FSTL5: variants seen among roughly 807,000 people sequenced by gnomAD.
The protein encoded by FSTL5 is follistatin-related protein 5.
A neutral mutation model predicts 89.1 loss-of-function variants in FSTL5; 62 were observed. That is an observed-to-expected ratio of 0.70 (90% CI 0.57 to 0.86). The LOEUF is 0.86. FSTL5 is among the 40% of genes least tolerant of loss of function. The pLI is 0.00. For synonymous variants in FSTL5, 383 were observed against 346.2 expected, an observed-to-expected ratio of 1.11 and a Z score of -1.18; for missense variants, 1,057 against 1,001.6, an observed-to-expected ratio of 1.06 and a Z score of -0.75.
intron 6 of FSTL5, among the ~76,000 whole-genome samples, chr4:161,733,961 A>G (rs1221781396): frequency 6.6e-6 from 1 of 152,032 alleles, no homozygotes; most frequent in East Asian, 1.9e-4. Context: ...CAAAATTAAA[A>G]AGTAGATATA....
intron 4 of FSTL5, among the ~76,000 whole-genome samples, chr4:161,815,746 C>T (rs577945891): frequency 7.2e-4 from 109 of 151,946 alleles, no homozygotes; most frequent in African/African-American, 2.3e-3. Context: ...GTATATTCAG[C>T]GAATAATTTA....
intron 11 of FSTL5, among the ~76,000 whole-genome samples, chr4:161,501,053 A>C (rs1730276646): frequency 6.6e-6 from 1 of 152,156 alleles, no homozygotes; most frequent in African/African-American, 2.4e-5. Context: ...TTACACAGTC[A>C]AATTTATTCA....
intron 1 of FSTL5, among the ~76,000 whole-genome samples, chr4:162,138,976 A>C (rs1732622763): frequency 6.6e-6 from 1 of 152,274 alleles, no homozygotes; most frequent in Admixed American, 6.5e-5. Context: ...ATTTGGAAAT[A>C]ACTCTCTATA....
chr4:161,613,703 C>T (rs551084030), intron 7 of FSTL5, among the ~76,000 whole-genome samples: 12 of 152,282 alleles, frequency 7.9e-5, no homozygotes, highest in Admixed American at 7.8e-4. Flanking sequence ...CTGATCTTTT[C>T]TTTAAGGATC....
chr4:161,710,713 G>A (rs1738749229), intron 6 of FSTL5, among the ~76,000 whole-genome samples: 1 of 152,130 alleles, frequency 6.6e-6, no homozygotes, highest in Non-Finnish European at 1.5e-5. Context: ...ATTGAGTCAT[G>A]TTCCCATCAT....
Position 161,386,080 on chromosome 4 carries a change from C to A in FSTL5, c.2211G>T (p.Leu737=). 6.8e-6 allele frequency: 11 copies of A among 1,613,966 alleles called. No homozygotes were observed. Among genetic ancestry groups the A allele is most frequent in the Non-Finnish European group, 8.5e-6 (10 of 1,179,966 alleles). The change falls in exon 16 of 16, where the codon CTG becomes CTT. Residue 737 remains leucine (L), a synonymous_variant. Transcript: ENST00000306100. ...GTTGAAATGCCAGATCAGATATGTG[C>A]AGATTTGTGTAAATATCAAAAGCCT... ...IQEAFDIYTN[L]HISDLAFQPS... is the part of the protein sequence containing the mutation.
intron 15 of FSTL5, among the ~76,000 whole-genome samples, chr4:161,416,175 T>C (rs1053634543): frequency 2.0e-5 from 3 of 152,160 alleles, no homozygotes; most frequent in Admixed American, 6.5e-5. Context: ...AAAAGCTCCA[T>C]GTGATAGAAG....
intron 4 of FSTL5, among the ~76,000 whole-genome samples, chr4:161,848,036 C>CAAAAAAAAAAAAAAAAAA (rs139315536): frequency 2.1e-5 from 1 of 48,222 alleles, no homozygotes; most frequent in Non-Finnish European, 3.4e-5. Flanking sequence ...GACTCCGTCT[C>CAAAAAAAAAAAAAAAAAA]AAAAAAAAAA....
chr4:161,452,470 T>G (rs1317957), intron 15 of FSTL5, among the ~76,000 whole-genome samples: 1 of 144,266 alleles, frequency 6.9e-6, no homozygotes, highest in Non-Finnish European at 1.6e-5. Context: ...AGGGAGACTC[T>G]GTCTCAAAAA....
At chr4:161,618,440 G>C (rs1331294289) in intron 7 of FSTL5, among the ~76,000 whole-genome samples, 2 of 134,494 alleles carry the variant, frequency 1.5e-5, no homozygotes, top group African/African-American at 5.7e-5. Flanking sequence ...TGCCCATTCA[G>C]TATGATATTG....
intron 6 of FSTL5, among the ~76,000 whole-genome samples, chr4:161,665,458 C>T (rs1736859935): frequency 6.6e-6 from 1 of 152,142 alleles, no homozygotes; most frequent in Admixed American, 6.5e-5. Context: ...TGGTCTCGAT[C>T]TCCTGACCTC....
chr4:161,745,611 G>T (rs1391440550), intron 6 of FSTL5, among the ~76,000 whole-genome samples: 1 of 151,796 alleles, frequency 6.6e-6, no homozygotes, highest in Non-Finnish European at 1.5e-5. Context: ...CTACACTTTT[G>T]ATGGGGCTCC....
intron 15 of FSTL5, among the ~76,000 whole-genome samples, chr4:161,446,465 T>G (rs2314099): frequency 0.84 from 127,429 of 151,900 alleles, 55,296 homozygotes; most frequent in East Asian, 0.99. Context: ...TAATAACAGT[T>G]GCATCAAGAA....
chr4:161,953,767 T>A (rs536556911), intron 3 of FSTL5, among the ~76,000 whole-genome samples: 3 of 151,756 alleles, frequency 2.0e-5, no homozygotes, highest in Admixed American at 1.3e-4. Flanking sequence ...TTTGTGTATC[T>A]CAGACCCTGC....
intron 15 of FSTL5, among the ~76,000 whole-genome samples, chr4:161,396,671 AAAG>A (rs1731013967): frequency 6.6e-6 from 1 of 151,220 alleles, no homozygotes; most frequent in Non-Finnish European, 1.5e-5. Context: ...AAAAAAAAGA[AAAG>A]AAGTAAGACG....
intron 4 of FSTL5, among the ~76,000 whole-genome samples, chr4:161,780,615 A>T (rs1037896098): frequency 4.6e-5 from 7 of 152,172 alleles, no homozygotes; most frequent in African/African-American, 1.7e-4. Context: ...GAGTCATTCT[A>T]AGGGCAGGGA....
chr4:162,131,435 T>C (rs747170331), intron 1 of FSTL5, among the ~76,000 whole-genome samples: 1 of 152,236 alleles, frequency 6.6e-6, no homozygotes, highest in South Asian at 2.1e-4. Flanking sequence ...GTGGACCTGT[T>C]GTCCACTTAG....
At chr4:162,002,426 T>G (rs911665720) in intron 3 of FSTL5, among the ~76,000 whole-genome samples, 3 of 152,218 alleles carry the variant, frequency 2.0e-5, no homozygotes, top group African/African-American at 7.2e-5. Flanking sequence ...GGAACTCCTC[T>G]TAGGCTATCC....
At chr4:161,836,537 G>A (rs953088870) in intron 4 of FSTL5, among the ~76,000 whole-genome samples, 15 of 151,994 alleles carry the variant, frequency 9.9e-5, no homozygotes, top group Non-Finnish European at 1.9e-4. Flanking sequence ...CATCCCTCAG[G>A]GAGAGGCTGC....
Sources: gnomAD v4.1 joint callset for allele counts (sites outside exome capture counted in the v4.1 genomes callset) on GRCh38, gnomAD v4.1.1 for gene constraint, MANE v1.5 for transcripts, NCBI Gene and HGNC (gene_info 2026-07-23, HGNC 2026-07-21) for gene names.